PRR16: variants seen among roughly 807,000 people sequenced by gnomAD.
PRR16 encodes protein Largen.
A neutral mutation model predicts 18.2 loss-of-function variants in PRR16; 6 were observed. That is an observed-to-expected ratio of 0.33 (90% CI 0.18 to 0.65). The LOEUF (loss-of-function observed/expected upper bound fraction) is 0.65, where lower values mean the gene tolerates loss of function less well. PRR16 is among the 30% of genes least tolerant of loss of function. PRR16 has a pLI of 0.74. For synonymous variants in PRR16, 151 were observed against 147.8 expected (o/e 1.02, Z -0.16); for missense variants, 412 against 376.6 (o/e 1.09, Z -0.78).
At chr5:120,606,812 TGGTA>T (rs1351079094) in intron 1 of PRR16, among the ~76,000 whole-genome samples, 5 of 151,946 alleles carry the variant, frequency 3.3e-5, no homozygotes, top group African/African-American at 1.2e-4. Flanking sequence ...CAGGCTGAGG[TGGTA>T]GGATCACTTG....
chr5:120,492,742 G>T lies in PRR16; in HGVS notation c.159+28097G>T, dbSNP rs567106811. On this transcript the variant is annotated intron_variant, in intron 1 of 1. Coordinates refer to ENST00000407149, the MANE Select transcript of PRR16 (RefSeq NM_001300783.2). ...CATCGCCCATGAGTCCCCACAGTCC[G>T]TTATATCACTCTATATGTTTTGGGG... is the stretch of plus-strand genomic sequence containing the variant. 2.6e-5 allele frequency among the ~76,000 whole-genome samples: 4 copies of T among 151,966 alleles called. No individual in the cohort carries two copies. In the South Asian group the frequency reaches 8.3e-4, roughly 32 times the overall value.
Position 120,511,898 on chromosome 5 carries a change from T to A in PRR16, c.159+47253T>A, listed in dbSNP as rs28450047. 8.8e-3 allele frequency among the ~76,000 whole-genome samples: 1,342 copies of A among 152,308 alleles called. 21 individuals are homozygous for A. Among genetic ancestry groups the A allele is most frequent in the African/African-American group, 0.03 (1,263 of 41,558 alleles). On this transcript the variant is annotated intron_variant, in intron 1 of 1. Transcript: ENST00000407149. ...ACCTTAGAAAAGTGAGAAAGCTTGC[T>A]CCTTCTAGGGGTCTTCTAGGAAAAT...
intron 1 of PRR16, among the ~76,000 whole-genome samples, chr5:120,474,192 T>A (rs1749361805): frequency 6.6e-6 from 1 of 152,064 alleles, no homozygotes; most frequent in African/African-American, 2.4e-5. Context: ...AGCAGGGAGG[T>A]GACTAAATCT....
At chr5:120,725,315 T>C in the PRR16 span, among the ~76,000 whole-genome samples, 1 of 151,574 alleles carries the variant, frequency 6.6e-6, no homozygotes, top group South Asian at 2.1e-4. Context: ...TTTTTTTTTT[T>C]TTTTCCATAT....
At chr5:120,704,570 C>A in the PRR16 span, among the ~76,000 whole-genome samples, 1 of 152,092 alleles carries the variant, frequency 6.6e-6, no homozygotes, top group East Asian at 1.9e-4. Flanking sequence ...AACTCATGAG[C>A]CTTATTTCTT....
chr5:120,658,540 G>C (rs1756064565), intron 1 of PRR16, among the ~76,000 whole-genome samples: 1 of 151,820 alleles, frequency 6.6e-6, no homozygotes, highest in Non-Finnish European at 1.5e-5. Flanking sequence ...CTGTATTCAA[G>C]TCTAAAAATT....
chr5:120,572,582 C>G (rs724896), intron 1 of PRR16, among the ~76,000 whole-genome samples: 31,719 of 151,846 alleles, frequency 0.21, 3,433 homozygotes, highest in Non-Finnish European at 0.21. Context: ...GAGGAAAGAG[C>G]TTTGAGCAGA....
At chr5:120,782,405 ATTGTT>A in the PRR16 span, among the ~76,000 whole-genome samples, 25 of 152,206 alleles carry the variant, frequency 1.6e-4, no homozygotes, top group Admixed American at 2.6e-4. Flanking sequence ...GATGATTTTA[ATTGTT>A]TTATCTTTCA....
chr5:120,685,995 G>A lies in PRR16; in HGVS notation c.201G>A (p.Leu67=). ...QIDTLTSDLQ[L]EDEMTDSSKT... is the part of the protein sequence containing the mutation. ...ACACCCTGACCTCTGACCTACAGCTGGAGGATGAGATGACTGACAGCTCCA... is the reference window on the plus strand; with the variant it reads ...ACACCCTGACCTCTGACCTACAGCTAGAGGATGAGATGACTGACAGCTCCA... The change falls in exon 2 of 2, where the codon CTG becomes CTA. Residue 67 remains leucine (L), a synonymous_variant. Transcript: ENST00000407149. 6.2e-7 allele frequency: 1 copy of A among 1,614,058 alleles called. No individual in the cohort carries two copies. Among genetic ancestry groups the A allele is most frequent in the Non-Finnish European group, 8.5e-7 (1 of 1,179,936 alleles).
At chr5:120,629,286 T>A (rs1475050985) in intron 1 of PRR16, among the ~76,000 whole-genome samples, 1 of 152,158 alleles carries the variant, frequency 6.6e-6, no homozygotes, top group East Asian at 1.9e-4. Context: ...TGTGTGCATG[T>A]GTATTCATGG....
chr5:120,502,947 T>A (rs1410998024), intron 1 of PRR16, among the ~76,000 whole-genome samples: 2 of 152,116 alleles, frequency 1.3e-5, no homozygotes, highest in Non-Finnish European at 2.9e-5. Context: ...ATCATATAGC[T>A]CAGCAAACCT....
chr5:120,641,117 C>G (rs1342015815), intron 1 of PRR16, among the ~76,000 whole-genome samples: 1 of 152,156 alleles, frequency 6.6e-6, no homozygotes, highest in African/African-American at 2.4e-5. Context: ...AGAGGCTAAA[C>G]ACAACTTTCG....
chr5:120,640,124 C>G (rs1447635216), intron 1 of PRR16, among the ~76,000 whole-genome samples: 2 of 151,908 alleles, frequency 1.3e-5, no homozygotes, highest in Non-Finnish European at 2.9e-5. Context: ...ATGATAGATA[C>G]TAGGAACTAC....
At chr5:120,740,457 T>G in the PRR16 span, among the ~76,000 whole-genome samples, 1 of 152,136 alleles carries the variant, frequency 6.6e-6, no homozygotes, top group South Asian at 2.1e-4. Flanking sequence ...TCATTTCTCT[T>G]TTAAACATTT....
intron 1 of PRR16, among the ~76,000 whole-genome samples, chr5:120,682,552 G>T (rs10060316): frequency 0.35 from 53,587 of 151,976 alleles, 10,063 homozygotes; most frequent in Middle Eastern, 0.48. Flanking sequence ...CAGCTTCACT[G>T]CCCTCCTAAA....
the PRR16 span, among the ~76,000 whole-genome samples, chr5:120,731,774 G>T: frequency 2.2e-4 from 34 of 152,254 alleles, no homozygotes; most frequent in East Asian, 2.3e-3. Flanking sequence ...ACATTAAATA[G>T]GACTGATTCT....
chr5:120,474,490 A>G (rs1371865204), intron 1 of PRR16, among the ~76,000 whole-genome samples: 2 of 152,000 alleles, frequency 1.3e-5, no homozygotes, highest in African/African-American at 4.8e-5. Flanking sequence ...CTTATTCCAT[A>G]TTACTTAATA....
chr5:120,695,196 A>G, the PRR16 span, among the ~76,000 whole-genome samples: 36,882 of 152,104 alleles, frequency 0.24, 5,453 homozygotes, highest in Middle Eastern at 0.47. Flanking sequence ...CTTTTTTTAA[A>G]AACTTTATAG....
chr5:120,693,578 T>C, the PRR16 span, among the ~76,000 whole-genome samples: 4 of 152,234 alleles, frequency 2.6e-5, no homozygotes, highest in Non-Finnish European at 5.9e-5. Context: ...CTTCATTCTT[T>C]GTATAGGTCA....
Sources: allele counts gnomAD v4.1 joint callset (sites outside exome capture counted in the v4.1 genomes callset), GRCh38; gene constraint gnomAD v4.1.1; transcripts MANE v1.5; gene names NCBI Gene and HGNC (gene_info 2026-07-23, HGNC 2026-07-21).